Variants in CHD2 observed in about 807,000 individuals in gnomAD.
CHD2 encodes the protein ATP-dependent chromatin remodeler CHD2.
CHD2 carries 28 observed loss-of-function variants against 243.9 expected under a neutral mutation model. That is an observed-to-expected ratio of 0.11 (90% CI 0.09 to 0.16). The LOEUF is 0.16. Ranked by LOEUF, CHD2 falls within the 10% of genes least tolerant of loss-of-function variation. CHD2 has a pLI of 1.00. For synonymous variants in CHD2, 775 were observed against 779.0 expected, an observed-to-expected ratio of 0.99 and a Z score of 0.09; for missense variants, 1,386 against 2,209.8, an observed-to-expected ratio of 0.63 and a Z score of 7.47.
intron 33 of CHD2, chr15:93,004,363 G>A (rs1407941942): frequency 1.2e-5 from 4 of 329,600 alleles, no homozygotes; most frequent in Non-Finnish European, 2.2e-5. Context: ...GGAGTAAGAA[G>A]CCCAAAAATA....
chr15:93,027,917 G>C lies in CHD2; in HGVS notation c.*3212G>C, dbSNP rs1007883980. The stretch of plus-strand genomic sequence containing the variant: ...GTAAATAATGTTGTTTATATAGTAT[G>C]TATTAAATTTTCCTACATTGTAAAA... On this transcript the variant is annotated 3_prime_UTR_variant, in exon 39 of 39. Coordinates refer to ENST00000394196, the MANE Select transcript of CHD2 (RefSeq NM_001271.4). The C allele has an allele frequency of 6.6e-6, 1 of 152,636 alleles. No individual in the cohort carries two copies. Among genetic ancestry groups the C allele is most frequent in the African/African-American group, 2.4e-5 (1 of 41,442 alleles). 9.5% of individuals were successfully genotyped at this position (152,636 alleles called of 1,614,324 possible). A position where few individuals can be genotyped will look rare whatever the true frequency, so the allele number is the denominator to read the frequency against.
chr15:92,971,656 A>C (rs2053843684), intron 17 of CHD2, 109 bp from the exon 18 acceptor site: 2 of 858,090 alleles, frequency 2.3e-6, no homozygotes, highest in East Asian at 6.1e-5. Flanking sequence ...AAACTTTTTT[A>C]GGCCTCTTTT....
At chr15:92,908,613 T>G (rs2052666982) in intron 2 of CHD2, among the ~76,000 whole-genome samples, 1 of 152,208 alleles carries the variant, frequency 6.6e-6, no homozygotes, top group Non-Finnish European at 1.5e-5. Flanking sequence ...TGTTTTCAAA[T>G]CTTCTGATGG....
chr15:92,905,959 C>T (rs561220207), intron 2 of CHD2, among the ~76,000 whole-genome samples: 4 of 152,108 alleles, frequency 2.6e-5, no homozygotes, highest in Non-Finnish European at 5.9e-5. Flanking sequence ...TGCTGAATAC[C>T]TTTCAATTCC....
chr15:93,004,999 T>A lies in CHD2; in HGVS notation c.4413+248T>A, dbSNP rs564892068. On this transcript the variant is annotated intron_variant, in intron 34 of 38. Coordinates refer to ENST00000394196, the MANE Select transcript of CHD2 (RefSeq NM_001271.4). ...TCTTGTGCTCCTAGTTAAGAGAGGC[T>A]CTCAGGGCCCTTAGAGGCATTTGGG... Among the ~76,000 whole-genome samples, 140 of 152,330 alleles carry A rather than the reference T, an allele frequency of 9.2e-4. 1 individual carries two copies. The highest frequency in any genetic ancestry group is 1.7e-3 in the Non-Finnish European group (115 of 68,026).
chr15:92,904,940 C>T (rs1231657185), intron 2 of CHD2: 1 of 1,536,032 alleles, frequency 6.5e-7, no homozygotes, highest in Non-Finnish European at 8.7e-7. Context: ...ATTATTTGAA[C>T]TTGTCCCCAT....
chr15:92,925,473 T>A (rs955198612), intron 3 of CHD2, among the ~76,000 whole-genome samples: 11 of 152,240 alleles, frequency 7.2e-5, no homozygotes, highest in Admixed American at 5.9e-4. Flanking sequence ...ATAGTTGAGC[T>A]AGAATGCCTG....
At chr15:92,950,631 G>A (rs774281060) in intron 13 of CHD2, among the ~76,000 whole-genome samples, 4 of 151,998 alleles carry the variant, frequency 2.6e-5, no homozygotes, top group Non-Finnish European at 4.4e-5. Context: ...GCATGCTTAT[G>A]TAGTCTCAGC....
rs2053115285 is a variant in CHD2 at position 92,928,919 on chromosome 15, C to G, written c.382-111C>G. The G allele has an allele frequency of 4.3e-6, 4 of 933,616 alleles. No homozygotes were observed. In the South Asian group the frequency reaches 6.2e-5, roughly 14 times the overall value. The allele number at this position is 933,616 out of a possible 1,614,324, so 57.8% of individuals were successfully genotyped here. A position where few individuals can be genotyped will look rare whatever the true frequency, so the allele number is the denominator to read the frequency against. The stretch of plus-strand genomic sequence containing the variant: ...GCTTAGGTTTCTTTGTGTCTAAAAG[C>G]TCATATTGAATAATGGTATATTGAG... On this transcript the variant is annotated intron_variant, in intron 4 of 38. Transcript: ENST00000394196.
rs1407750887 is a variant in CHD2 at position 92,901,213 on chromosome 15, C to T, written c.-25C>T. 15 of 1,442,624 alleles carry T rather than the reference C, an allele frequency of 1.0e-5. No homozygotes were observed. Among genetic ancestry groups the T allele is most frequent in the Non-Finnish European group, 1.4e-5 (14 of 1,028,206 alleles). 89.4% of individuals were successfully genotyped at this position (1,442,624 alleles called of 1,614,324 possible). On this transcript the variant is annotated 5_prime_UTR_variant, in exon 2 of 39. Coordinates refer to ENST00000394196, the MANE Select transcript of CHD2 (RefSeq NM_001271.4). Reference sequence around the variant, plus strand: ...TCAAAGCAAACACAGATTCCCCCTCCCCCTTAATATTTAAGAATTAAAAGA... The same window carrying T: ...TCAAAGCAAACACAGATTCCCCCTCTCCCTTAATATTTAAGAATTAAAAGA...
intron 8 of CHD2, 29 bp from the exon 9 acceptor site, chr15:92,942,814 T>C (rs772446282): frequency 1.3e-6 from 2 of 1,549,160 alleles, no homozygotes; most frequent in Admixed American, 4.0e-5. Flanking sequence ...TAATATACTC[T>C]CTTTCAAGTG....
At chr15:93,020,647 A>C in intron 38 of CHD2, 1 of 353,068 alleles carries the variant, frequency 2.8e-6, no homozygotes, top group Non-Finnish European at 5.2e-6. Context: ...GAAGAGTCAA[A>C]GTCTTCTGAA....
intron 16 of CHD2, among the ~76,000 whole-genome samples, chr15:92,963,443 T>C (rs1470072): frequency 0.09 from 13,722 of 152,252 alleles, 688 homozygotes; most frequent in Middle Eastern, 0.19. Context: ...GTAGCTCCAT[T>C]TTCACTTCCT....
In CHD2 at chr15:92,960,705, GTTTTTTTTTT is replaced by G. The variant is rs71467745; in HGVS notation, c.2000+4074_2000+4083del. Among the ~76,000 whole-genome samples the G allele has an allele frequency of 1.7e-4, 9 of 51,468 alleles. No homozygotes were observed. In the South Asian group the frequency reaches 3.6e-3, roughly 21 times the overall value. 33.8% of individuals were successfully genotyped at this position (51,468 alleles called of 152,430 possible). A position where few individuals can be genotyped will look rare whatever the true frequency, so the allele number is the denominator to read the frequency against. Reference sequence around the variant, plus strand: ...TTAAAGATTTTTGCATCTGTTTGGTGTTTTTTTTTTTTTTTTTTTTTTTTTTTAAGACAGA... The same window carrying G: ...TTAAAGATTTTTGCATCTGTTTGGTGTTTTTTTTTTTTTTTTTAAGACAGA... On this transcript the variant is annotated intron_variant, in intron 16 of 38. Transcript: ENST00000394196.
At chr15:92,906,718 C>G (rs2052629435) in intron 2 of CHD2, among the ~76,000 whole-genome samples, 1 of 141,566 alleles carries the variant, frequency 7.1e-6, no homozygotes, top group Non-Finnish European at 1.5e-5. Flanking sequence ...TTCTTGGTAA[C>G]CTTAGAACTT....
At chr15:92,927,856 T>C (rs867768533) in intron 4 of CHD2, among the ~76,000 whole-genome samples, 7 of 152,366 alleles carry the variant, frequency 4.6e-5, no homozygotes, top group Middle Eastern at 3.4e-3. Context: ...ATACTTACTC[T>C]AATTGTGAGA....
chr15:92,934,013 G>A (rs558248051), intron 5 of CHD2, among the ~76,000 whole-genome samples: 1 of 152,122 alleles, frequency 6.6e-6, no homozygotes, highest in East Asian at 1.9e-4. Flanking sequence ...TTTTTCAAAA[G>A]CATGCTTTCT....
intron 5 of CHD2, among the ~76,000 whole-genome samples, chr15:92,933,120 A>T (rs7168780): frequency 6.7e-6 from 1 of 150,082 alleles, no homozygotes; most frequent in South Asian, 2.1e-4. Context: ...GCTCACTGCA[A>T]CCTTGAACTC....
At chr15:92,930,590 A>G (rs1342896062) in intron 5 of CHD2, among the ~76,000 whole-genome samples, 1 of 152,012 alleles carries the variant, frequency 6.6e-6, no homozygotes, top group Admixed American at 6.6e-5. Flanking sequence ...TATCATGCCC[A>G]GCTAAGTTTT....
Sources: allele counts gnomAD v4.1 joint callset (sites outside exome capture counted in the v4.1 genomes callset), GRCh38; gene constraint gnomAD v4.1.1; transcripts MANE v1.5; gene names NCBI Gene and HGNC (gene_info 2026-07-23, HGNC 2026-07-21).